Variants in AGO1 observed in about 807,000 individuals in gnomAD.
AGO1 encodes argonaute RISC component 1.
A neutral mutation model predicts 109.2 loss-of-function variants in AGO1; 11 were observed. That is an observed-to-expected ratio of 0.10 (90% CI 0.06 to 0.17). AGO1 has a LOEUF of 0.17. AGO1 is among the 10% of genes least tolerant of loss of function. AGO1 has a pLI of 1.00. For synonymous variants in AGO1, 422 were observed against 418.6 expected, an observed-to-expected ratio of 1.01 and a Z score of -0.10; for missense variants, 574 against 1,140.3, an observed-to-expected ratio of 0.50 and a Z score of 7.15.
rs1276597545 is a variant in AGO1, at chr1:35,922,384, G to C, written c.*2777G>C. On this transcript the variant is annotated 3_prime_UTR_variant, in exon 19 of 19. Coordinates refer to ENST00000373204, the MANE Select transcript of AGO1 (RefSeq NM_012199.5). ...AAAGGTGGTGCATGCAGATGGAGAA[G>C]TGGTGTTGGCAGCAAGCTTTGGCTC... is the stretch of plus-strand genomic sequence containing the variant. 2 of 152,280 alleles carry C rather than the reference G, an allele frequency of 1.3e-5. No homozygotes were observed. Among genetic ancestry groups the C allele is most frequent in the African/African-American group, 4.8e-5 (2 of 41,458 alleles). The allele number at this position is 152,280 out of a possible 1,614,324, so 9.4% of individuals were successfully genotyped here. A position where few individuals can be genotyped will look rare whatever the true frequency, so the allele number is the denominator to read the frequency against.
intron 2 of AGO1, among the ~76,000 whole-genome samples, chr1:35,891,900 C>G (rs559738184): frequency 2.7e-4 from 41 of 151,020 alleles, no homozygotes; most frequent in Non-Finnish European, 5.6e-4. Context: ...TTTTTTGAGA[C>G]AGGGTCTCGC....
intron 11 of AGO1, among the ~76,000 whole-genome samples, chr1:35,905,519 G>T (rs1645503229): frequency 6.6e-6 from 1 of 152,066 alleles, no homozygotes; most frequent in Admixed American, 6.5e-5. Flanking sequence ...CCAGGCTGGA[G>T]TGCAGTGGCG....
In AGO1 at chr1:35,893,198, C is replaced by T. The variant is rs140048484; in HGVS notation, c.432C>T (p.Ala144=). The part of the protein sequence containing the change: ...AIVSWRMLHE[A]LVSGQIPVPL... ...TGAGCTGGCGAATGCTGCATGAGGC[C>T]CTGGTCAGCGGCCAGATCCCTGTTC... Residue 144 remains alanine, a synonymous_variant, in exon 4 of 19, where the codon GCC becomes GCT. Transcript: ENST00000373204. The surrounding 1 kb of genome is among the most constrained non-coding windows in gnomAD (Gnocchi z 5.6). 3.7e-6 allele frequency: 6 copies of T among 1,613,958 alleles called. No individual in the cohort carries two copies. In the African/African-American group the frequency reaches 8.0e-5, roughly 22 times the overall value.
rs374168686 is a variant in AGO1, at chr1:35,883,389, C to G, written c.-33C>G. 2.1e-5 allele frequency: 34 copies of G among 1,581,438 alleles called. No homozygotes were observed. Among genetic ancestry groups the G allele is most frequent in the Non-Finnish European group, 2.7e-5 (31 of 1,165,728 alleles). On this transcript the variant is annotated 5_prime_UTR_variant, in exon 1 of 19. Transcript: ENST00000373204. This position sits in a 1 kb window ranked among gnomAD's most constrained non-coding sequence, Gnocchi z 5.4. ...CCCCTCACGCTGGACTTCACAGTCT[C>G]CGGGCCGCCTGACCTCCGCACGGGT...
At chr1:35,870,561 C>T (rs200464641) in intron 1 of AGO1, among the ~76,000 whole-genome samples, 1 of 152,160 alleles carries the variant, frequency 6.6e-6, no homozygotes, top group Non-Finnish European at 1.5e-5. Context: ...GGATTACAGG[C>T]GTGAGCCACC....
chr1:35,898,200 G>T (rs1334562748), intron 8 of AGO1, among the ~76,000 whole-genome samples: 1 of 151,506 alleles, frequency 6.6e-6, no homozygotes, highest in Admixed American at 6.6e-5. Flanking sequence ...GTGAACATAA[G>T]TTTTTATTTC....
rs1349781180 is a variant in AGO1, at chr1:35,901,814, C to G, written c.1141-134C>G. 1 of 1,374,148 alleles carries G rather than the reference C, an allele frequency of 7.3e-7. No homozygotes were observed. Among genetic ancestry groups the G allele is most frequent in the Non-Finnish European group, 9.9e-7 (1 of 1,007,504 alleles). 85.1% of individuals were successfully genotyped at this position (1,374,148 alleles called of 1,614,324 possible). A position where few individuals can be genotyped will look rare whatever the true frequency, so the allele number is the denominator to read the frequency against. ...GTTATTCCCTCACTTCCCTCATCTT[C>G]CACTTTCTCTCTCTTTTTAGGACTA... On this transcript the variant is annotated intron_variant, in intron 9 of 18. Transcript: ENST00000373204. The surrounding 1 kb of genome is among the most constrained non-coding windows in gnomAD (Gnocchi z 4.8).
chr1:35,927,201 A>T lies in AGO1; in HGVS notation c.*7594A>T, dbSNP rs1329859133. 1 of 152,146 alleles carries T rather than the reference A, an allele frequency of 6.6e-6. No homozygotes were observed. The highest frequency in any genetic ancestry group is 2.4e-5 in the African/African-American group (1 of 41,426). The allele number at this position is 152,146 out of a possible 1,614,324, so 9.4% of individuals were successfully genotyped here. A position where few individuals can be genotyped will look rare whatever the true frequency, so the allele number is the denominator to read the frequency against. The stretch of plus-strand genomic sequence containing the variant: ...ACAGTATCTTATATAATTGCATCTT[A>T]CAGCATCTTTACATGCGAAATAGTT... On this transcript the variant is annotated 3_prime_UTR_variant, in exon 19 of 19. Coordinates refer to ENST00000373204, the MANE Select transcript of AGO1 (RefSeq NM_012199.5).
intron 12 of AGO1, among the ~76,000 whole-genome samples, chr1:35,911,177 C>A (rs1351997963): frequency 6.6e-6 from 1 of 152,032 alleles, no homozygotes; most frequent in Non-Finnish European, 1.5e-5. Context: ...TTTAAGTATA[C>A]CAATTTATCC....
At chr1:35,907,590 A>C (rs186468854) in intron 12 of AGO1, among the ~76,000 whole-genome samples, 199 of 152,004 alleles carry the variant, frequency 1.3e-3, no homozygotes, top group African/African-American at 4.8e-3. Context: ...TGATTATATA[A>C]ATTTCTGTCA....
Position 35,901,402 on chromosome 1 carries a change from C to T in AGO1, c.1021-72C>T, listed in dbSNP as rs1645413768. On this transcript the variant is annotated intron_variant, in intron 8 of 18. Coordinates refer to ENST00000373204, the MANE Select transcript of AGO1 (RefSeq NM_012199.5). This position sits in a 1 kb window ranked among gnomAD's most constrained non-coding sequence, Gnocchi z 4.8. Reference sequence around the variant, plus strand: ...ATGGCTGACAGCCAAGGTATCTTTCCTTATTGTGGGGCTCTGGGTACAGGG... The same window carrying T: ...ATGGCTGACAGCCAAGGTATCTTTCTTTATTGTGGGGCTCTGGGTACAGGG... 6.3e-7 allele frequency: 1 copy of T among 1,592,336 alleles called. No individual in the cohort carries two copies. Among genetic ancestry groups the T allele is most frequent in the African/African-American group, 1.3e-5 (1 of 74,246 alleles).
At chr1:35,882,733 C>A, upstream of AGO1, 1 of 835,870 alleles carries the variant, frequency 1.2e-6, no homozygotes, top group Non-Finnish European at 1.4e-6. This position sits in a 1 kb window ranked among gnomAD's most constrained non-coding sequence, Gnocchi z 5.1. Context: ...GAGGGGGTGG[C>A]GTCAGTGAGT....
chr1:35,883,005 C>T, upstream of AGO1: 1 of 931,952 alleles, frequency 1.1e-6, no homozygotes, highest in Non-Finnish European at 1.3e-6. This position sits in a 1 kb window ranked among gnomAD's most constrained non-coding sequence, Gnocchi z 5.4. Flanking sequence ...GTCCCTTCGC[C>T]CTGCCCCACT....
In AGO1 at chr1:35,899,673, A is replaced by G. The variant is rs551170269; in HGVS notation, c.1021-1801A>G. Reference sequence around the variant, plus strand: ...GACTATTTTGTTTATTCTCTGGAATATGGAGTTTGAAGGCAGGTGACCTTG... The same window carrying G: ...GACTATTTTGTTTATTCTCTGGAATGTGGAGTTTGAAGGCAGGTGACCTTG... On this transcript the variant is annotated intron_variant, in intron 8 of 18. Transcript: ENST00000373204. Among the ~76,000 whole-genome samples the G allele has an allele frequency of 1.4e-4, 22 of 152,356 alleles. No individual in the cohort carries two copies. In the South Asian group the frequency reaches 3.9e-3, roughly 27 times the overall value.
At chr1:35,906,821 A>C (rs1176815719) in intron 11 of AGO1, 114 bp from the exon 12 acceptor site, 9 of 941,464 alleles carry the variant, frequency 9.6e-6, no homozygotes, top group African/African-American at 8.3e-5. Context: ...AAAAAAAAAA[A>C]AAAACCAATC....
chr1:35,876,987 T>C (rs1452446545), intron 1 of AGO1, among the ~76,000 whole-genome samples: 2 of 152,186 alleles, frequency 1.3e-5, no homozygotes, highest in Non-Finnish European at 1.5e-5. Context: ...GGGATCTTAC[T>C]CTATTGCCTG....
intron 2 of AGO1, among the ~76,000 whole-genome samples, 168 bp from the exon 3 acceptor site, chr1:35,892,389 A>C (rs551873843): frequency 6.6e-6 from 1 of 152,232 alleles, no homozygotes; most frequent in African/African-American, 2.4e-5. Flanking sequence ...CATTTTAATA[A>C]AATCTCCAGG....
rs144060471 is a variant in AGO1 at position 35,907,130 on chromosome 1, C to T, written c.1582+11C>T. ...AGACGCCGGTGTATGGTACAGTTCTCTTGGGACAGTGATAATGGTGATAGG... is the reference window on the plus strand; with the variant it reads ...AGACGCCGGTGTATGGTACAGTTCTTTTGGGACAGTGATAATGGTGATAGG... On this transcript the variant is annotated intron_variant, in intron 12 of 18. Transcript: ENST00000373204. 4.4e-6 allele frequency: 7 copies of T among 1,603,802 alleles called. No homozygotes were observed. Among genetic ancestry groups the T allele is most frequent in the African/African-American group, 2.7e-5 (2 of 74,692 alleles).
At position 35,930,176 on chromosome 1, in the gene AGO1, C is replaced by A. The variant is rs1354426697; in HGVS notation, c.*10569C>A. On this transcript the variant is annotated 3_prime_UTR_variant, in exon 19 of 19. Coordinates refer to ENST00000373204, the MANE Select transcript of AGO1 (RefSeq NM_012199.5). ...GGGCACACAAGTAGTAAATAAATAA[C>A]AGACTGGGCAAAGGGCTACCAAGGC... The A allele has an allele frequency of 6.6e-6, 1 of 152,156 alleles. No homozygotes were observed. The highest frequency in any genetic ancestry group is 2.4e-5 in the African/African-American group (1 of 41,414). The allele number at this position is 152,156 out of a possible 1,614,324, so 9.4% of individuals were successfully genotyped here.
Sources: allele counts gnomAD v4.1 joint callset (sites outside exome capture counted in the v4.1 genomes callset), GRCh38; gene constraint gnomAD v4.1.1; non-coding constraint Gnocchi (gnomAD v3.1); transcripts MANE v1.5; gene names NCBI Gene and HGNC (gene_info 2026-07-23, HGNC 2026-07-21).